The following YARS2 variants were observed in gnomAD, a reference collection of about 807,000 sequenced individuals.
YARS2 encodes the protein tyrosine--tRNA ligase, mitochondrial.
A neutral mutation model predicts 45.0 loss-of-function variants in YARS2; 38 were observed. The observed-to-expected ratio is 0.84, with a 90% CI of 0.65 to 1.11. YARS2 has a LOEUF of 1.11. Ranked by LOEUF, YARS2 falls within the 50% of genes least tolerant of loss-of-function variation. The probability of loss-of-function intolerance (pLI) is 0.00; values close to 1 mark genes in which losing one functional copy is unlikely to be tolerated. For synonymous variants in YARS2, 287 were observed against 245.1 expected (o/e 1.17, Z -1.60); for missense variants, 602 against 599.8 (o/e 1.00, Z -0.04).
rs1565556037 is a variant in YARS2 at position 32,747,351 on chromosome 12, T to A, written c.1287A>T (p.Ile429=). ...IPDGPRGYRM[I]TEGGVSINHQ... ...GATTTATGCTGACTCCGCCTTCTGTTATCATTCGATACCTAAAAAATAGAA... is the reference window on the plus strand; with the variant it reads ...GATTTATGCTGACTCCGCCTTCTGTAATCATTCGATACCTAAAAAATAGAA... Residue 429 remains isoleucine (I), a synonymous_variant, in exon 5 of 5, where the codon ATA becomes ATT. Transcript: ENST00000324868. 5 of 1,613,948 alleles carry A rather than the reference T, an allele frequency of 3.1e-6. No individual in the cohort carries two copies. In the South Asian group the frequency reaches 5.5e-5, roughly 18 times the overall value.
intron 4 of YARS2, among the ~76,000 whole-genome samples, chr12:32,749,042 T>G (rs550355886): frequency 1.3e-5 from 2 of 152,232 alleles, no homozygotes; most frequent in South Asian, 4.1e-4. Context: ...AATATTCTAC[T>G]CAATTCCTGA....
At chr12:32,748,516 T>C (rs550824563) in intron 4 of YARS2, among the ~76,000 whole-genome samples, 6 of 152,246 alleles carry the variant, frequency 3.9e-5, no homozygotes, top group Admixed American at 2.0e-4. Flanking sequence ...AGATGTGGTG[T>C]CATTTTTAGT....
chr12:32,755,506 G>T lies in YARS2; in HGVS notation c.369C>A (p.Ser123Arg), dbSNP rs759060409. 1 of 1,612,340 alleles carries T rather than the reference G, an allele frequency of 6.2e-7. No individual in the cohort carries two copies. The highest frequency in any genetic ancestry group is 1.3e-5 in the African/African-American group (1 of 75,034). The change falls in exon 1 of 5, where the codon AGC (serine) becomes AGA (arginine). Residue 123 changes from serine (S) to arginine (R), a missense_variant. By Grantham distance (110) the Ser-to-Arg change is moderately radical. Coordinates refer to ENST00000324868, the MANE Select transcript of YARS2 (RefSeq NM_001040436.3). ...GGATARLGDPSGRTKEREALE... is the reference protein window; with the variant it reads ...GGATARLGDPRGRTKEREALE... ...GCGCCTCGCGTTCCTTGGTACGGCC[G>T]CTCGGGTCTCCCAGGCGCGCCGTGG...
Position 32,747,245 on chromosome 12 carries a change from CTATTT to C in YARS2, c.1388_1392del (p.Lys463ArgfsTer81), listed in dbSNP as rs1955657088. The C allele has an allele frequency of 6.2e-7, 1 of 1,613,514 alleles. No individual in the cohort carries two copies. The highest frequency in any genetic ancestry group is 8.5e-7 in the Non-Finnish European group (1 of 1,179,898). On this transcript the variant is annotated frameshift_variant, in exon 5 of 5. Transcript: ENST00000324868. LOFTEE classifies it high-confidence loss of function. ...TTTATAATGTAGAAATTTCTTTTTC[CTATTT>C]TAAGTAAGGAAAGTCCATTCTTGAG... is the stretch of plus-strand genomic sequence containing the variant.
rs529668392 is a variant in YARS2, at chr12:32,753,771, A to G, written c.947+147T>C. On this transcript the variant is annotated intron_variant, in intron 2 of 4. Transcript: ENST00000324868. ...TGTTTAACTTTAGAACACAGTAAAAATTAGTCTTCTATGATGTAATGGTTT... is the reference window on the plus strand; with the variant it reads ...TGTTTAACTTTAGAACACAGTAAAAGTTAGTCTTCTATGATGTAATGGTTT... 66 of 1,069,118 alleles carry G rather than the reference A, an allele frequency of 6.2e-5. No individual in the cohort carries two copies. In the African/African-American group the frequency reaches 7.2e-4, roughly 12 times the overall value. 66.2% of individuals were successfully genotyped at this position (1,069,118 alleles called of 1,614,324 possible). A position where few individuals can be genotyped will look rare whatever the true frequency, so the allele number is the denominator to read the frequency against.
At chr12:32,749,798 C>T (rs1291879528) in intron 4 of YARS2, 139 bp downstream of exon 4, 23 of 941,892 alleles carry the variant, frequency 2.4e-5, no homozygotes, top group East Asian at 7.5e-5. Flanking sequence ...AGGATGGTCT[C>T]GATCTCCTGA....
Position 32,747,029 on chromosome 12 carries a change from A to T in YARS2, c.*175T>A. ...TCAGAAAATAAAACATCCCATTATTAAACAAATATTTATTAACCGGCCCAT... is the reference window on the plus strand; with the variant it reads ...TCAGAAAATAAAACATCCCATTATTTAACAAATATTTATTAACCGGCCCAT... On this transcript the variant is annotated 3_prime_UTR_variant, in exon 5 of 5. Coordinates refer to ENST00000324868, the MANE Select transcript of YARS2 (RefSeq NM_001040436.3). 1 of 616,830 alleles carries T rather than the reference A, an allele frequency of 1.6e-6. No individual in the cohort carries two copies. Among genetic ancestry groups the T allele is most frequent in the Non-Finnish European group, 2.8e-6 (1 of 358,732 alleles). 38.2% of individuals were successfully genotyped at this position (616,830 alleles called of 1,614,324 possible).
chr12:32,748,453 C>G (rs1955681593), intron 4 of YARS2, among the ~76,000 whole-genome samples: 1 of 151,724 alleles, frequency 6.6e-6, no homozygotes, highest in Non-Finnish European at 1.5e-5. Flanking sequence ...ACCTATTTAG[C>G]TTATATAATA....
chr12:32,755,560 GCCC>G lies in YARS2; in HGVS notation c.312_314del (p.Gly105del). 1 of 1,613,742 alleles carries G rather than the reference GCCC, an allele frequency of 6.2e-7. No individual in the cohort carries two copies. The highest frequency in any genetic ancestry group is 8.5e-7 in the Non-Finnish European group (1 of 1,179,896). On this transcript the variant is annotated inframe_deletion, in exon 1 of 5. Transcript: ENST00000324868. ...CTCCCACCAGCGCGATCACGTTGTG[GCCC>G]GCTCGCTGCAAATGAAACAGGCCCA...
intron 4 of YARS2, among the ~76,000 whole-genome samples, chr12:32,748,829 A>C (rs1955687512): frequency 6.6e-6 from 1 of 152,200 alleles, no homozygotes; most frequent in Admixed American, 6.5e-5. Context: ...TGTCATTCAT[A>C]ATCATGGCCA....
chr12:32,747,373 A>T lies in YARS2; in HGVS notation c.1275-10T>A. The T allele has an allele frequency of 6.2e-7, 1 of 1,613,272 alleles. No homozygotes were observed. ...TGTTATCATTCGATACCTAAAAAAT[A>T]GAAACGTTTAGTAAGTAGAGAGATC... On this transcript the variant is annotated splice_polypyrimidine_tract_variant and intron_variant, in intron 4 of 4. Coordinates refer to ENST00000324868, the MANE Select transcript of YARS2 (RefSeq NM_001040436.3).
chr12:32,749,860 A>G, intron 4 of YARS2, 77 bp downstream of exon 4: 1 of 1,561,926 alleles, frequency 6.4e-7, no homozygotes, highest in Non-Finnish European at 8.8e-7. Flanking sequence ...TACAGGCATG[A>G]GCCACTTCTC....
In YARS2 at chr12:32,750,890, T is replaced by C. The variant is rs1565558085; in HGVS notation, c.948-16A>G. On this transcript the variant is annotated splice_polypyrimidine_tract_variant and intron_variant, in intron 2 of 4. Coordinates refer to ENST00000324868, the MANE Select transcript of YARS2 (RefSeq NM_001040436.3). ...CTTCAGGTACCTTTGAGACAAAAAA[T>C]AAAGAGTTACACTTATATAACATAC... 4 of 1,613,286 alleles carry C rather than the reference T, an allele frequency of 2.5e-6. No homozygotes were observed. In the South Asian group the frequency reaches 4.4e-5, roughly 18 times the overall value.
rs1365282664 is a variant in YARS2, at chr12:32,747,103, T to C, written c.*101A>G. The C allele has an allele frequency of 7.2e-6, 9 of 1,250,198 alleles. No homozygotes were observed. The highest frequency in any genetic ancestry group is 2.4e-5 in the East Asian group (1 of 41,860). The allele number at this position is 1,250,198 out of a possible 1,614,324, so 77.4% of individuals were successfully genotyped here. A position where few individuals can be genotyped will look rare whatever the true frequency, so the allele number is the denominator to read the frequency against. Reference sequence around the variant, plus strand: ...TGAGTCCTAGTCCATTCTGTTTTTCTGATTTGCATAAGCAAAGGTCTAAGT... The same window carrying C: ...TGAGTCCTAGTCCATTCTGTTTTTCCGATTTGCATAAGCAAAGGTCTAAGT... On this transcript the variant is annotated 3_prime_UTR_variant, in exon 5 of 5. Transcript: ENST00000324868.
intron 2 of YARS2, 39 bp downstream of exon 2, chr12:32,753,879 A>C: frequency 6.2e-7 from 1 of 1,612,750 alleles, no homozygotes; most frequent in Non-Finnish European, 8.5e-7. Flanking sequence ...TCATGAGTTT[A>C]TGGTGTCAGT....
chr12:32,755,880 T>C lies in YARS2; in HGVS notation c.-6A>G, dbSNP rs1233221595. ...CGCAAGATGGGCGCCGCCATCTTGG[T>C]AGCGGCACGAAGGGAATGCTGGGAT... On this transcript the variant is annotated 5_prime_UTR_variant, in exon 1 of 5. Transcript: ENST00000324868. The C allele has an allele frequency of 3.1e-6, 5 of 1,612,934 alleles. No homozygotes were observed. Among genetic ancestry groups the C allele is most frequent in the Non-Finnish European group, 8.5e-7 (1 of 1,179,988 alleles).
chr12:32,754,344 A>G (rs1277373111), intron 1 of YARS2, among the ~76,000 whole-genome samples: 1 of 152,182 alleles, frequency 6.6e-6, no homozygotes, highest in East Asian at 1.9e-4. Context: ...TGAAAGGCTG[A>G]GTGGGAAGGA....
chr12:32,748,414 A>G (rs1038623714), intron 4 of YARS2, among the ~76,000 whole-genome samples: 1 of 152,088 alleles, frequency 6.6e-6, no homozygotes, highest in Non-Finnish European at 1.5e-5. Context: ...TTTCCAGATC[A>G]TGTTCTATGT....
rs1955708626 is a variant in YARS2, at chr12:32,750,024, G to C, written c.1187C>G (p.Ala396Gly). The C allele has an allele frequency of 1.9e-6, 3 of 1,614,068 alleles. No individual in the cohort carries two copies. In the Admixed American group the frequency reaches 5.0e-5, roughly 27 times the overall value. Residue 396 changes from alanine to glycine, a missense_variant, in exon 4 of 5, where the codon GCT (alanine) becomes GGT (glycine). Coordinates refer to ENST00000324868, the MANE Select transcript of YARS2 (RefSeq NM_001040436.3). ...DQELKELFKE[A>G]PFSEFFLDPG... ...ATCGAGAAAAAATTCAGAAAATGGA[G>C]CTTCTTTAAACAACTCTTTTAACTC...
Sources: gnomAD v4.1 joint callset for allele counts (sites outside exome capture counted in the v4.1 genomes callset) on GRCh38, gnomAD v4.1.1 for gene constraint, MANE v1.5 for transcripts, NCBI Gene and HGNC (gene_info 2026-07-23, HGNC 2026-07-21) for gene names.